Variants in POMGNT2 observed in about 807,000 individuals in gnomAD.
POMGNT2 encodes protein O-linked-mannose beta-1,4-N-acetylglucosaminyltransferase 2.
In POMGNT2, 32 loss-of-function variants were observed where a neutral mutation model predicts 37.8. That is an observed-to-expected ratio of 0.85 (90% CI 0.64 to 1.14). The LOEUF is 1.14. Ranked by LOEUF, POMGNT2 falls within the 50% of genes most tolerant of loss-of-function variation. The pLI, the probability that POMGNT2 is intolerant of heterozygous loss-of-function variation, is 0.00. For synonymous variants in POMGNT2, 340 were observed against 336.8 expected (o/e 1.01, Z -0.10); for missense variants, 705 against 780.6 (o/e 0.90, Z 1.15).
chr3:43,101,200 C>T (rs747579294), intron 1 of POMGNT2, among the ~76,000 whole-genome samples: 77 of 152,206 alleles, frequency 5.1e-4, no homozygotes, highest in Non-Finnish European at 9.4e-4. Context: ...CATATGATTC[C>T]CATTCTGTCC....
Position 43,080,305 on chromosome 3 carries a change from G to A in POMGNT2, c.1127C>T (p.Pro376Leu). ...PYAVNPDHYTPYKTLAMLPGM... is the reference protein window; with the variant it reads ...PYAVNPDHYTLYKTLAMLPGM... ...AGGCAGCATGGCCAGCGTCTTATAG[G>A]GAGTGTAGTGGTCGGGATTGACAGC... Residue 376 changes from proline to leucine, a missense_variant, in exon 2 of 2, where the codon CCC (proline) becomes CTC (leucine). Coordinates refer to ENST00000344697, the MANE Select transcript of POMGNT2 (RefSeq NM_032806.6). 2.5e-6 allele frequency: 4 copies of A among 1,614,204 alleles called. No homozygotes were observed. Among genetic ancestry groups the A allele is most frequent in the Non-Finnish European group, 3.4e-6 (4 of 1,180,044 alleles).
intron 1 of POMGNT2, among the ~76,000 whole-genome samples, chr3:43,095,497 G>A (rs911377326): frequency 6.6e-6 from 1 of 152,198 alleles, no homozygotes; most frequent in Non-Finnish European, 1.5e-5. Context: ...GGACATGACA[G>A]GTGCCCTAAC....
chr3:43,081,677 G>C, intron 1 of POMGNT2, 141 bp from the exon 2 acceptor site: 1 of 514,252 alleles, frequency 1.9e-6, no homozygotes, highest in Non-Finnish European at 3.4e-6. Flanking sequence ...TGTGCACATT[G>C]GTAGGCGTGG....
chr3:43,090,206 C>G (rs939933478), intron 1 of POMGNT2, among the ~76,000 whole-genome samples: 17 of 152,194 alleles, frequency 1.1e-4, no homozygotes, highest in African/African-American at 4.1e-4. Context: ...CCTTCTCCCT[C>G]ATTCATAAGA....
rs139245562 is a variant in POMGNT2, at chr3:43,081,361, C to T, written c.71G>A (p.Arg24Gln). The change falls in exon 2 of 2, where the codon CGG (arginine) becomes CAG (glutamine). Residue 24 changes from arginine to glutamine, a missense_variant. Coordinates refer to ENST00000344697, the MANE Select transcript of POMGNT2 (RefSeq NM_032806.6). The part of the protein sequence containing the change: ...VLAAVLWKHV[R>Q]LREHAATLEE... ...CAGTGTGGCTGCATGCTCACGCAGC[C>T]GCACATGCTTCCACAGGACCGCTGC... 4.4e-4 allele frequency: 702 copies of T among 1,608,896 alleles called. No individual in the cohort carries two copies. The highest frequency in any genetic ancestry group is 1.2e-3 in the Middle Eastern group (7 of 5,958).
chr3:43,090,282 GTATTT>G (rs1307285461), intron 1 of POMGNT2, among the ~76,000 whole-genome samples: 1 of 151,982 alleles, frequency 6.6e-6, no homozygotes, highest in African/African-American at 2.4e-5. Flanking sequence ...TCTGAAATCG[GTATTT>G]TATATCAACA....
rs2089835574 is a variant in POMGNT2 at position 43,080,190 on chromosome 3, G to A, written c.1242C>T (p.Ile414=). ...HPERPWDQGG[I]THLDRAEQAR... is the part of the protein sequence containing the mutation. ...CTTGCTCAGCCCGGTCCAGATGGGT[G>A]ATGCCCCCCTGATCCCAGGGCCGCT... Residue 414 remains isoleucine (I), a synonymous_variant, in exon 2 of 2, where the codon ATC becomes ATT. Transcript: ENST00000344697. 1.2e-6 allele frequency: 2 copies of A among 1,613,988 alleles called. No homozygotes were observed. Among genetic ancestry groups the A allele is most frequent in the Non-Finnish European group, 1.7e-6 (2 of 1,179,934 alleles).
In POMGNT2 at chr3:43,079,935, C is replaced by T. The variant is rs1216669229; in HGVS notation, c.1497G>A (p.Glu499=). The T allele has an allele frequency of 6.2e-7, 1 of 1,614,024 alleles. No individual in the cohort carries two copies. The highest frequency in any genetic ancestry group is 1.7e-5 in the Admixed American group (1 of 60,028). The change falls in exon 2 of 2, where the codon GAG becomes GAA. Residue 499 remains glutamate (E), a synonymous_variant. Transcript: ENST00000344697. ...RCQASVHGAS[E]ARLTVSWQIP... ...TCTGCCAGGAGACAGTGAGGCGGGC[C>T]TCGGAGGCGCCATGCACTGACGCCT...
chr3:43,083,557 T>G (rs138459337), intron 1 of POMGNT2, among the ~76,000 whole-genome samples: 1 of 152,264 alleles, frequency 6.6e-6, no homozygotes, highest in Non-Finnish European at 1.5e-5. Flanking sequence ...TCCCTTGATA[T>G]AGATTTTCTA....
chr3:43,080,870 C>T lies in POMGNT2; in HGVS notation c.562G>A (p.Glu188Lys), dbSNP rs774240001. ...CCCTCCATGAAGAAGAGCCGTGCCT[C>T]GTGGGCCAGGCCGGGAAACTGCCGC... The part of the protein sequence containing the change: ...TLRQFPGLAH[E>K]ARLFFMEGWG... Residue 188 changes from glutamate to lysine, a missense_variant, in exon 2 of 2, where the codon GAG (glutamate) becomes AAG (lysine). Coordinates refer to ENST00000344697, the MANE Select transcript of POMGNT2 (RefSeq NM_032806.6). 1.1e-5 allele frequency: 18 copies of T among 1,613,970 alleles called. No homozygotes were observed. In the East Asian group the frequency reaches 1.3e-4, roughly 12 times the overall value.
rs75583919 is a variant in POMGNT2, at chr3:43,079,574, G to T, written c.*115C>A. 3.8e-3 allele frequency: 3,400 copies of T among 896,214 alleles called. 76 individuals carry two copies. In the African/African-American group the frequency reaches 0.05, roughly 13 times the overall value. 55.5% of individuals were successfully genotyped at this position (896,214 alleles called of 1,614,324 possible). On this transcript the variant is annotated 3_prime_UTR_variant, in exon 2 of 2. Transcript: ENST00000344697. ...ACCCCAGAGACAACAAGATGATGTG[G>T]AGGCACAGGCCTGCTCAATAAATAG...
chr3:43,099,623 G>A (rs1056210445), intron 1 of POMGNT2, among the ~76,000 whole-genome samples: 1 of 152,158 alleles, frequency 6.6e-6, no homozygotes, highest in African/African-American at 2.4e-5. Flanking sequence ...GCCAGGGAAG[G>A]CAGGAGATAA....
intron 1 of POMGNT2, among the ~76,000 whole-genome samples, chr3:43,093,131 T>C (rs1269831416): frequency 6.6e-6 from 1 of 152,182 alleles, no homozygotes. Context: ...CAGGTGGGGA[T>C]ATGGGGCAGT....
At chr3:43,085,271 A>G (rs1405981612) in intron 1 of POMGNT2, among the ~76,000 whole-genome samples, 2 of 152,132 alleles carry the variant, frequency 1.3e-5, no homozygotes, top group Non-Finnish European at 2.9e-5. Flanking sequence ...GGTGTGGGGC[A>G]GCTGGTTACC....
chr3:43,082,903 A>G (rs2089867719), intron 1 of POMGNT2, among the ~76,000 whole-genome samples: 1 of 152,202 alleles, frequency 6.6e-6, no homozygotes, highest in Admixed American at 6.5e-5. Flanking sequence ...AAGTGAGAAC[A>G]GAGAAGGGAC....
chr3:43,090,518 C>T (rs928220451), intron 1 of POMGNT2: 4 of 152,160 alleles, frequency 2.6e-5, no homozygotes, highest in African/African-American at 9.7e-5. Flanking sequence ...GACAGTTCTT[C>T]TCAAGAGAGG....
At chr3:43,104,813 T>G (rs759230983) in intron 1 of POMGNT2, among the ~76,000 whole-genome samples, 2 of 152,194 alleles carry the variant, frequency 1.3e-5, no homozygotes, top group Non-Finnish European at 2.9e-5. Flanking sequence ...TGCCTGGCAC[T>G]ATTTCATCCC....
At chr3:43,103,794 T>C (rs2090036661) in intron 1 of POMGNT2, among the ~76,000 whole-genome samples, 1 of 152,208 alleles carries the variant, frequency 6.6e-6, no homozygotes, top group African/African-American at 2.4e-5. Context: ...TTCCCATCCC[T>C]GTCACTTAGC....
Position 43,099,698 on chromosome 3 carries a change from CT to C in POMGNT2, c.-106+6137del, listed in dbSNP as rs200307112. On this transcript the variant is annotated intron_variant, in intron 1 of 1. Coordinates refer to ENST00000344697, the MANE Select transcript of POMGNT2 (RefSeq NM_032806.6). ...GGGCTCAGGTGACTACTTGCAAAGC[CT>C]TCTGCAGGGTGACGCTTTATGGCAG... is the stretch of plus-strand genomic sequence containing the variant. 9.6e-3 allele frequency among the ~76,000 whole-genome samples: 1,465 copies of C among 152,216 alleles called. 26 individuals are homozygous for C. Among genetic ancestry groups the C allele is most frequent in the African/African-American group, 0.033 (1,384 of 41,536 alleles).
Sources: allele counts gnomAD v4.1 joint callset (sites outside exome capture counted in the v4.1 genomes callset), GRCh38; gene constraint gnomAD v4.1.1; transcripts MANE v1.5; gene names NCBI Gene and HGNC (gene_info 2026-07-23, HGNC 2026-07-21).